The following CDH1 variants were observed in gnomAD, a reference collection of about 807,000 sequenced individuals.
CDH1 encodes cadherin 1.
CDH1 carries 35 observed loss-of-function variants against 84.5 expected under a neutral mutation model. That is an observed-to-expected ratio of 0.41 (90% CI 0.32 to 0.55). CDH1 has a LOEUF of 0.55. Among genes scored for constraint, CDH1 ranks in the 20% least tolerant of loss-of-function variants. The probability of loss-of-function intolerance (pLI) is 0.19; values close to 1 mark genes in which losing one functional copy is unlikely to be tolerated. For missense variants in CDH1, 994 were observed against 1,126.6 expected, an observed-to-expected ratio of 0.88 and a Z score of 1.68; for synonymous variants, 417 against 439.0, an observed-to-expected ratio of 0.95 and a Z score of 0.63.
intron 3 of CDH1, among the ~76,000 whole-genome samples, chr16:68,806,364 G>C (rs906962700): frequency 2.0e-5 from 3 of 151,884 alleles, no homozygotes; most frequent in Admixed American, 6.6e-5. Flanking sequence ...TGGCCAAGCT[G>C]ATCCCAAACT....
chr16:68,743,778 G>A (rs1392246986), intron 2 of CDH1, among the ~76,000 whole-genome samples: 1 of 152,236 alleles, frequency 6.6e-6, no homozygotes, highest in African/African-American at 2.4e-5. Context: ...CAGCGAGGAA[G>A]TACAGGAAAC....
chr16:68,819,026 TTG>T (rs1961064358), intron 10 of CDH1, among the ~76,000 whole-genome samples: 1 of 152,042 alleles, frequency 6.6e-6, no homozygotes, highest in South Asian at 2.1e-4. Flanking sequence ...CAGCTAATTT[TTG>T]TATTTTTAGT....
rs1303595241 is a variant in CDH1, at chr16:68,835,236, A to T, written c.*1737A>T. ...TGGATCTCTTTTTATTTAAATGTGA[A>T]TTTCAACTTTTGACAATCAAAGAAA... On this transcript the variant is annotated 3_prime_UTR_variant, in exon 16 of 16. Transcript: ENST00000261769. The T allele has an allele frequency of 1.7e-5, 4 of 230,166 alleles. No individual in the cohort carries two copies. The highest frequency in any genetic ancestry group is 8.9e-5 in the African/African-American group (4 of 45,170). The allele number at this position is 230,166 out of a possible 1,614,324, so 14.3% of individuals were successfully genotyped here.
Position 68,833,358 on chromosome 16 carries a change from A to G in CDH1, c.2508A>G (p.Glu836=), listed in dbSNP as rs1555518241. The change falls in exon 16 of 16, where the codon GAA becomes GAG. Residue 836 remains glutamate (E), a synonymous_variant. Transcript: ENST00000261769. ...ATTCTCTGCTCGTGTTTGACTATGA[A>G]GGAAGCGGTTCCGAAGCTGCTAGTC... ...PYDSLLVFDY[E]GSGSEAASLS... 1 of 1,614,188 alleles carries G rather than the reference A, an allele frequency of 6.2e-7. No individual in the cohort carries two copies. The highest frequency in any genetic ancestry group is 8.5e-7 in the Non-Finnish European group (1 of 1,180,038).
At chr16:68,825,345 TGAG>T (rs780824841) in intron 13 of CDH1, among the ~76,000 whole-genome samples, 10 of 152,116 alleles carry the variant, frequency 6.6e-5, no homozygotes, top group Non-Finnish European at 1.0e-4. Flanking sequence ...AGCAGAGGCT[TGAG>T]GAGACTCCTA....
intron 2 of CDH1, among the ~76,000 whole-genome samples, chr16:68,793,160 C>T (rs142146266): frequency 2.0e-5 from 3 of 152,270 alleles, no homozygotes; most frequent in East Asian, 3.9e-4. Context: ...CTCCAACCTG[C>T]TTATCTTCCC....
chr16:68,796,764 G>GA (rs35199353), intron 2 of CDH1, among the ~76,000 whole-genome samples: 45,030 of 148,580 alleles, frequency 0.3, 6,812 homozygotes, highest in Middle Eastern at 0.34. Context: ...TTTTTGTCAT[G>GA]AAAAAAAAAA....
chr16:68,828,748 C>T (rs944019861), intron 14 of CDH1, among the ~76,000 whole-genome samples: 2 of 152,106 alleles, frequency 1.3e-5, no homozygotes, highest in African/African-American at 4.8e-5. Flanking sequence ...ACCTTCAGTC[C>T]CTCTGTATTT....
intron 2 of CDH1, among the ~76,000 whole-genome samples, chr16:68,780,038 T>C (rs1959833416): frequency 6.6e-6 from 1 of 152,240 alleles, no homozygotes; most frequent in Admixed American, 6.5e-5. Context: ...TGTCACTGAC[T>C]ACCCTTGTGT....
rs1555517888 is a variant in CDH1 at position 68,829,742 on chromosome 16, C to G, written c.2384C>G (p.Pro795Arg). Residue 795 changes from proline to arginine, a missense_variant, in exon 15 of 16, where the codon CCC (proline) becomes CGC (arginine). Around this residue, in one of 3 missense-constraint regions of CDH1, gnomAD observed 769 missense variants for 881.8 expected, o/e 0.87. Transcript: ENST00000261769. ...GTTGCACCAACCCTCATGAGTGTCCCCCGGTATCTTCCCCGCCCTGCCAAT... is the reference window on the plus strand; with the variant it reads ...GTTGCACCAACCCTCATGAGTGTCCGCCGGTATCTTCCCCGCCCTGCCAAT... ...NDVAPTLMSV[P>R]RYLPRPANPD... The G allele has an allele frequency of 6.2e-7, 1 of 1,614,008 alleles. No homozygotes were observed.
chr16:68,801,947 C>T (rs963987595), intron 3 of CDH1, 54 bp downstream of exon 3: 6 of 1,425,250 alleles, frequency 4.2e-6, no homozygotes, highest in African/African-American at 1.4e-5. Context: ...GCTGTCTAAT[C>T]CAGGTTTCTC....
chr16:68,810,108 CA>C, intron 5 of CDH1, 88 bp from the exon 6 acceptor site: 1 of 1,422,964 alleles, frequency 7.0e-7, no homozygotes, highest in Non-Finnish European at 9.9e-7. Context: ...GTGTGGCAGC[CA>C]GGGGGGCGCA....
At chr16:68,755,318 T>C (rs1031261048) in intron 2 of CDH1, among the ~76,000 whole-genome samples, 1 of 149,324 alleles carries the variant, frequency 6.7e-6, no homozygotes, top group Admixed American at 6.7e-5. Flanking sequence ...AATTGGACTG[T>C]ATCTTGAGGG....
intron 2 of CDH1, among the ~76,000 whole-genome samples, chr16:68,742,271 A>G (rs1449441689): frequency 6.8e-6 from 1 of 147,258 alleles, no homozygotes; most frequent in African/African-American, 2.5e-5. Context: ...GATTAAATAC[A>G]CCCATTTCCC....
intron 10 of CDH1, among the ~76,000 whole-genome samples, chr16:68,818,540 T>C (rs1308989674): frequency 6.7e-6 from 1 of 149,596 alleles, no homozygotes; most frequent in African/African-American, 2.4e-5. Context: ...TTTCTTTTTT[T>C]TTTTTTTTTT....
intron 2 of CDH1, among the ~76,000 whole-genome samples, chr16:68,776,526 A>T (rs200593959): frequency 2.0e-3 from 301 of 151,902 alleles, no homozygotes; most frequent in Non-Finnish European, 3.5e-3. Flanking sequence ...CTCATTAAAA[A>T]TTTTTTTTAA....
chr16:68,791,704 G>A (rs994821993), intron 2 of CDH1, among the ~76,000 whole-genome samples: 2 of 152,128 alleles, frequency 1.3e-5, no homozygotes, highest in Admixed American at 1.3e-4. Flanking sequence ...TTACAGGCAT[G>A]AGCCACCATG....
intron 2 of CDH1, among the ~76,000 whole-genome samples, chr16:68,786,245 C>G (rs1597873914): frequency 1.3e-5 from 2 of 152,132 alleles, no homozygotes; most frequent in East Asian, 3.9e-4. Context: ...GATATTGGCT[C>G]ACTGCAACCT....
At chr16:68,791,219 G>GC (rs1473170622) in intron 2 of CDH1, among the ~76,000 whole-genome samples, 2 of 152,042 alleles carry the variant, frequency 1.3e-5, no homozygotes, top group Admixed American at 6.6e-5. Context: ...CTGTTCCCCC[G>GC]CACTGCCGCC....
Sources: allele counts gnomAD v4.1 joint callset (sites outside exome capture counted in the v4.1 genomes callset), GRCh38; gene constraint gnomAD v4.1.1; regional missense constraint gnomAD v4.1.1; transcripts MANE v1.5; gene names NCBI Gene and HGNC (gene_info 2026-07-23, HGNC 2026-07-21).